CCDC191: variants seen among roughly 807,000 people sequenced by gnomAD.
CCDC191 encodes coiled-coil domain-containing protein 191.
In CCDC191, 99 loss-of-function variants were observed where a neutral mutation model predicts 114.0. The ratio of observed to expected loss-of-function variants is 0.87; its 90% CI spans 0.74 to 1.03. The LOEUF (loss-of-function observed/expected upper bound fraction) is 1.03, where lower values mean the gene tolerates loss of function less well. CCDC191 is among the 50% of genes least tolerant of loss of function. The probability of loss-of-function intolerance (pLI) is 0.00; values close to 1 mark genes in which losing one functional copy is unlikely to be tolerated. For synonymous variants in CCDC191, 351 were observed against 376.0 expected (o/e 0.93, Z 0.77); for missense variants, 973 against 1,087.0 (o/e 0.90, Z 1.47).
At chr3:113,973,596 G>GTTTTT (rs61420341) in intron 16 of CCDC191, among the ~76,000 whole-genome samples, 7 of 145,560 alleles carry the variant, frequency 4.8e-5, no homozygotes, top group Admixed American at 6.8e-5. Context: ...TGGATGGCAG[G>GTTTTT]TTTTTTTTTT....
rs1577331500 is a variant in CCDC191, at chr3:113,978,769, T to C, written c.2460+89A>G. The C allele has an allele frequency of 1.4e-5, 19 of 1,387,320 alleles. No individual in the cohort carries two copies. In the East Asian group the frequency reaches 4.4e-4, roughly 32 times the overall value. 85.9% of individuals were successfully genotyped at this position (1,387,320 alleles called of 1,614,324 possible). A position where few individuals can be genotyped will look rare whatever the true frequency, so the allele number is the denominator to read the frequency against. On this transcript the variant is annotated intron_variant, in intron 15 of 16. Transcript: ENST00000295878. ...CTCTTTTGTTCTTGAAAAAACATAA[T>C]GACCCTGGACATTCTGGATTTCATT...
intron 7 of CCDC191, among the ~76,000 whole-genome samples, chr3:114,028,910 ATG>A (rs2076363693): frequency 6.6e-6 from 1 of 151,152 alleles, no homozygotes. Flanking sequence ...AATAAATATA[ATG>A]TGTGTGTATA....
At chr3:114,047,424 G>T (rs1197384865) in intron 2 of CCDC191, among the ~76,000 whole-genome samples, 1 of 152,164 alleles carries the variant, frequency 6.6e-6, no homozygotes, top group Admixed American at 6.5e-5. Flanking sequence ...CACTTTGGAA[G>T]GCCAAAATGG....
intron 7 of CCDC191, among the ~76,000 whole-genome samples, chr3:114,019,215 C>T (rs1310408349): frequency 1.3e-5 from 2 of 152,298 alleles, no homozygotes; most frequent in Middle Eastern, 3.4e-3. Context: ...CATGACTCCC[C>T]CTGCCAGGTG....
chr3:113,966,714 G>T (rs996950658), intron 16 of CCDC191, among the ~76,000 whole-genome samples: 1 of 152,118 alleles, frequency 6.6e-6, no homozygotes, highest in Non-Finnish European at 1.5e-5. Context: ...ATCTGAGGGA[G>T]TCCCAGAATG....
At chr3:113,984,347 A>T (rs368867355) in intron 13 of CCDC191, 1 of 152,276 alleles carries the variant, frequency 6.6e-6, no homozygotes, top group Non-Finnish European at 1.5e-5. Flanking sequence ...AACCAAACAC[A>T]TCTAGGATAC....
chr3:114,016,772 T>C (rs1397920804), intron 8 of CCDC191, among the ~76,000 whole-genome samples: 1 of 152,348 alleles, frequency 6.6e-6, no homozygotes, highest in Admixed American at 6.5e-5. Flanking sequence ...ATTCTCCTTA[T>C]ACAAGTTTCT....
chr3:113,991,269 C>A (rs1443744738), intron 13 of CCDC191, among the ~76,000 whole-genome samples: 90 of 131,858 alleles, frequency 6.8e-4, no homozygotes, highest in South Asian at 1.3e-3. Flanking sequence ...CCCCCCCCCC[C>A]AAAAACCAAT....
At chr3:114,011,182 C>T (rs1416195510) in intron 8 of CCDC191, among the ~76,000 whole-genome samples, 161 bp from the exon 9 acceptor site, 4 of 152,150 alleles carry the variant, frequency 2.6e-5, no homozygotes, top group African/African-American at 9.7e-5. Context: ...TATAAATTCC[C>T]CAGTGCAAAG....
At position 113,981,434 on chromosome 3, in the gene CCDC191, CATT is replaced by C. The variant is rs1292830447; in HGVS notation, c.2164-644_2164-642del. Among the ~76,000 whole-genome samples, 6 of 152,070 alleles carry C rather than the reference CATT, an allele frequency of 3.9e-5. No homozygotes were observed. In the East Asian group the frequency reaches 1.2e-3, roughly 29 times the overall value. ...ACTTAATGATCGACCCTATAGATAT[CATT>C]ATTTCCTTTTTTCTCTTTTAATAAA... On this transcript the variant is annotated intron_variant, in intron 13 of 16. Coordinates refer to ENST00000295878, the MANE Select transcript of CCDC191 (RefSeq NM_020817.2).
In CCDC191 at chr3:113,978,648, A is replaced by G. The variant is rs1054480500; in HGVS notation, c.2460+210T>C. 95 of 616,846 alleles carry G rather than the reference A, an allele frequency of 1.5e-4. 1 individual carries two copies. The East Asian group carries it at 2.6e-3, about 17-fold the overall frequency. The allele number at this position is 616,846 out of a possible 1,614,324, so 38.2% of individuals were successfully genotyped here. A position where few individuals can be genotyped will look rare whatever the true frequency, so the allele number is the denominator to read the frequency against. ...GAATGATAACTTACAGTTTATACAC[A>G]CTCCGTGAAACAAACACAGGCTTAG... On this transcript the variant is annotated intron_variant, in intron 15 of 16. Coordinates refer to ENST00000295878, the MANE Select transcript of CCDC191 (RefSeq NM_020817.2).
intron 16 of CCDC191, among the ~76,000 whole-genome samples, chr3:113,970,236 TAACA>T (rs1181205026): frequency 6.6e-6 from 1 of 152,216 alleles, no homozygotes; most frequent in Non-Finnish European, 1.5e-5. Context: ...TTGTCAGATC[TAACA>T]GTTTTTTTTG....
intron 4 of CCDC191, among the ~76,000 whole-genome samples, chr3:114,040,949 G>C (rs2076551700): frequency 1.3e-5 from 2 of 151,566 alleles, no homozygotes; most frequent in South Asian, 4.1e-4. Context: ...TGTGTCTATT[G>C]AGATAATATG....
At chr3:114,003,847 A>C (rs1263707478) in intron 11 of CCDC191, 1 of 985,328 alleles carries the variant, frequency 1.0e-6, no homozygotes, top group Non-Finnish European at 1.2e-6. Context: ...ACCACAATAT[A>C]ATTGTCAAAG....
intron 8 of CCDC191, among the ~76,000 whole-genome samples, chr3:114,015,908 A>T (rs1256135661): frequency 6.6e-6 from 1 of 152,212 alleles, no homozygotes; most frequent in Non-Finnish European, 1.5e-5. Flanking sequence ...TGCAAGTGAG[A>T]CTCAGCACAG....
At chr3:113,980,172 A>G (rs1476616395) in intron 14 of CCDC191, among the ~76,000 whole-genome samples, 1 of 152,154 alleles carries the variant, frequency 6.6e-6, no homozygotes, top group Non-Finnish European at 1.5e-5. Context: ...GCCAGGTGAA[A>G]AGCATGCCCT....
chr3:113,965,550 G>A (rs956821506), intron 16 of CCDC191, 191 bp from the exon 17 acceptor site: 9 of 393,598 alleles, frequency 2.3e-5, no homozygotes, highest in South Asian at 9.9e-5. Flanking sequence ...GGGAATGAGA[G>A]TGACTGATTG....
At chr3:114,053,888 T>C (rs2107769313) in intron 1 of CCDC191, among the ~76,000 whole-genome samples, 1 of 152,278 alleles carries the variant, frequency 6.6e-6, no homozygotes, top group Non-Finnish European at 1.5e-5. Context: ...GTGATTTAAT[T>C]GGTCTGGGAT....
At chr3:114,035,911 T>C (rs920021053) in intron 5 of CCDC191, among the ~76,000 whole-genome samples, 1 of 152,212 alleles carries the variant, frequency 6.6e-6, no homozygotes, top group Non-Finnish European at 1.5e-5. Context: ...TCCCCAGTGC[T>C]GATTACATAT....
Sources: gnomAD v4.1 joint callset for allele counts (sites outside exome capture counted in the v4.1 genomes callset) on GRCh38, gnomAD v4.1.1 for gene constraint, MANE v1.5 for transcripts, NCBI Gene and HGNC (gene_info 2026-07-23, HGNC 2026-07-21) for gene names.